The following HCN4 variants were observed in gnomAD, a reference collection of about 807,000 sequenced individuals.
HCN4 encodes hyperpolarization activated cyclic nucleotide gated potassium channel 4, also known as potassium/sodium hyperpolarization-activated cyclic nucleotide-gated channel 4.
HCN4 carries 29 observed loss-of-function variants against 76.9 expected under a neutral mutation model. That is an observed-to-expected ratio of 0.38 (90% CI 0.28 to 0.51). The LOEUF (loss-of-function observed/expected upper bound fraction) is 0.51, where lower values mean the gene tolerates loss of function less well. Ranked by LOEUF, HCN4 falls within the 20% of genes least tolerant of loss-of-function variation. HCN4 has a pLI of 0.90. For synonymous variants in HCN4, 772 were observed against 762.5 expected, an observed-to-expected ratio of 1.01 and a Z score of -0.21; for missense variants, 1,416 against 1,715.2, an observed-to-expected ratio of 0.83 and a Z score of 3.08.
Position 73,328,694 on chromosome 15 carries a change from G to A in HCN4, c.1590+879C>T, listed in dbSNP as rs572865825. Among the ~76,000 whole-genome samples, 233 of 152,246 alleles carry A rather than the reference G, an allele frequency of 1.5e-3. 1 individual carries two copies. Among genetic ancestry groups the A allele is most frequent in the Admixed American group, 2.4e-3 (36 of 15,304 alleles). ...CAGAGCTCGGCAGCAGAGAAGCTGG[G>A]GTAGGGCCCAGGTGGCCTGACTCCA... On this transcript the variant is annotated intron_variant, in intron 4 of 7. Transcript: ENST00000261917. This position sits in a 1 kb window ranked among gnomAD's most constrained non-coding sequence, Gnocchi z 4.0.
intron 1 of HCN4, among the ~76,000 whole-genome samples, chr15:73,359,615 G>T (rs116308555): frequency 6.6e-6 from 1 of 151,998 alleles, no homozygotes; most frequent in Non-Finnish European, 1.5e-5. Flanking sequence ...CCTGACCCTA[G>T]ACCAAACCCT....
chr15:73,354,583 G>A (rs1170255302), intron 1 of HCN4, among the ~76,000 whole-genome samples: 2 of 152,170 alleles, frequency 1.3e-5, no homozygotes, highest in Non-Finnish European at 2.9e-5. Flanking sequence ...GTAGATGTAC[G>A]GTGGCTAGGT....
intron 1 of HCN4, among the ~76,000 whole-genome samples, chr15:73,360,013 G>C (rs1352486999): frequency 6.6e-6 from 1 of 152,180 alleles, no homozygotes. Context: ...TCCCAGCCCA[G>C]CATCCTCAGA....
intron 2 of HCN4, among the ~76,000 whole-genome samples, chr15:73,338,160 G>A (rs561988418): frequency 6.6e-6 from 1 of 152,342 alleles, no homozygotes; most frequent in Admixed American, 6.5e-5. Flanking sequence ...GGACGTTGCT[G>A]GGAGAGGCTG....
chr15:73,340,822 C>T (rs968416575), intron 2 of HCN4, among the ~76,000 whole-genome samples: 6 of 152,246 alleles, frequency 3.9e-5, no homozygotes, highest in Non-Finnish European at 8.8e-5. Context: ...GGAGGGGCCC[C>T]AGCCATGAAA....
chr15:73,334,954 C>G (rs888349079), intron 2 of HCN4, among the ~76,000 whole-genome samples: 3 of 152,004 alleles, frequency 2.0e-5, no homozygotes, highest in African/African-American at 4.8e-5. Context: ...TTGGCACCCT[C>G]ATGAGTGGGA....
chr15:73,326,200 G>A (rs1163252660), intron 4 of HCN4, among the ~76,000 whole-genome samples: 2 of 152,218 alleles, frequency 1.3e-5, no homozygotes, highest in African/African-American at 4.8e-5. Flanking sequence ...AGGGATGGGA[G>A]GTATTGATTA....
At chr15:73,327,705 G>A (rs1479482393) in intron 4 of HCN4, among the ~76,000 whole-genome samples, 1 of 151,988 alleles carries the variant, frequency 6.6e-6, no homozygotes, top group East Asian at 1.9e-4. Flanking sequence ...CTCTAACCTA[G>A]GACCCTGTGT....
At position 73,324,102 on chromosome 15, in the gene HCN4, G is replaced by T; in HGVS notation, c.2130C>A (p.Arg710=). Reference sequence around the variant, plus strand: ...CCTCCCCCTCACCAATGCGGTCCAGGCGGTCCAGCGCCACGGTCTCGAAGG... The same window carrying T: ...CCTCCCCCTCACCAATGCGGTCCAGTCGGTCCAGCGCCACGGTCTCGAAGG... ...RRAFETVALD[R]LDRIGKKNSI... Residue 710 remains arginine (R), a synonymous_variant, in exon 7 of 8, where the codon CGC becomes CGA. Transcript: ENST00000261917. The T allele has an allele frequency of 1.2e-6, 2 of 1,613,254 alleles. No homozygotes were observed. The highest frequency in any genetic ancestry group is 1.7e-6 in the Non-Finnish European group (2 of 1,179,970).
In HCN4 at chr15:73,322,380, ATAAT is replaced by A; in HGVS notation, c.*97_*100del. The A allele has an allele frequency of 1.0e-6, 1 of 993,022 alleles. No homozygotes were observed. The highest frequency in any genetic ancestry group is 1.6e-6 in the Non-Finnish European group (1 of 641,094). The allele number at this position is 993,022 out of a possible 1,614,324, so 61.5% of individuals were successfully genotyped here. On this transcript the variant is annotated 3_prime_UTR_variant, in exon 8 of 8. Coordinates refer to ENST00000261917, the MANE Select transcript of HCN4 (RefSeq NM_005477.3). ...TTTTCTGGTGTGTGTGGTTTTTTAA[ATAAT>A]TATTACTGTTATTGGTATATCTCCT... is the stretch of plus-strand genomic sequence containing the variant.
At position 73,368,551 on chromosome 15, in the gene HCN4, A is replaced by G; in HGVS notation, c.-281T>C. On this transcript the variant is annotated 5_prime_UTR_variant, in exon 1 of 8. Coordinates refer to ENST00000261917, the MANE Select transcript of HCN4 (RefSeq NM_005477.3). This position sits in a 1 kb window ranked among gnomAD's most constrained non-coding sequence, Gnocchi z 6.9. ...GCCTCCCTCCCTCCCTCTGGCGTTC[A>G]GGGGCGCGGCGCGCCGCCCGGCTCC... The G allele has an allele frequency of 4.1e-6, 1 of 245,018 alleles. No homozygotes were observed. The highest frequency in any genetic ancestry group is 7.8e-6 in the Non-Finnish European group (1 of 127,906). The allele number at this position is 245,018 out of a possible 1,614,324, so 15.2% of individuals were successfully genotyped here. A position where few individuals can be genotyped will look rare whatever the true frequency, so the allele number is the denominator to read the frequency against.
In HCN4 at chr15:73,323,214, G is replaced by A; in HGVS notation, c.2879C>T (p.Pro960Leu). The change falls in exon 8 of 8, where the codon CCA becomes CTA. Residue 960 changes from proline (P) to leucine (L), a missense_variant. Pro to Leu is a moderately conservative substitution (Grantham distance 98). Transcript: ENST00000261917. ...GGLGLPEHFLPPPPSSRSPSS... is the reference protein window; with the variant it reads ...GGLGLPEHFLLPPPSSRSPSS... The stretch of plus-strand genomic sequence containing the variant: ...CGGGGATCTGGATGAGGGTGGGGGT[G>A]GCAGGAAGTGCTCCGGGAGTCCCAG... 1 of 1,532,458 alleles carries A rather than the reference G, an allele frequency of 6.5e-7. No individual in the cohort carries two copies. The highest frequency in any genetic ancestry group is 1.8e-4 in the Middle Eastern group (1 of 5,642). The allele number at this position is 1,532,458 out of a possible 1,614,324, so 94.9% of individuals were successfully genotyped here.
intron 2 of HCN4, among the ~76,000 whole-genome samples, chr15:73,338,428 C>A (rs928057467): frequency 6.6e-6 from 1 of 152,216 alleles, no homozygotes; most frequent in Admixed American, 6.5e-5. Context: ...TTCTCAACTG[C>A]AGTGCAAGGA....
intron 2 of HCN4, chr15:73,341,020 T>C (rs553789637): frequency 6.6e-6 from 1 of 151,396 alleles, no homozygotes; most frequent in Non-Finnish European, 1.5e-5. Flanking sequence ...CAGCTAAGTA[T>C]GGGGAACCAA....
In HCN4 at chr15:73,332,186, A is replaced by G; in HGVS notation, c.1316T>C (p.Val439Ala). Residue 439 changes from valine (V) to alanine (A), a missense_variant, in exon 3 of 8, where the codon GTA (valine) becomes GCA (alanine). Transcript: ENST00000261917. The part of the protein sequence containing the change: ...CHWDGCLQFL[V>A]PMLQDFPDDC... ...GTCAGGGAAGTCCTGTAGCATGGGT[A>G]CCAGGAACTGCAGGCAGCCGTCCCA... 1 of 1,614,170 alleles carries G rather than the reference A, an allele frequency of 6.2e-7. No homozygotes were observed. The highest frequency in any genetic ancestry group is 8.5e-7 in the Non-Finnish European group (1 of 1,179,986).
rs934498111 is a variant in HCN4, at chr15:73,368,502, G to A, written c.-232C>T. The A allele has an allele frequency of 5.6e-5, 19 of 337,720 alleles. 1 individual carries two copies. In the East Asian group the frequency reaches 8.2e-4, roughly 15 times the overall value. The allele number at this position is 337,720 out of a possible 1,614,324, so 20.9% of individuals were successfully genotyped here. A position where few individuals can be genotyped will look rare whatever the true frequency, so the allele number is the denominator to read the frequency against. On this transcript the variant is annotated 5_prime_UTR_variant, in exon 1 of 8. Transcript: ENST00000261917. The surrounding 1 kb of genome is among the most constrained non-coding windows in gnomAD (Gnocchi z 6.9). ...CACCTCCTCCCGGGCCCGGCTGGGC[G>A]CGGGGACCCCGCGCTCCCTTCTTGC... is the stretch of plus-strand genomic sequence containing the variant.
intron 1 of HCN4, among the ~76,000 whole-genome samples, chr15:73,355,120 G>T (rs1258675773): frequency 6.6e-6 from 1 of 152,246 alleles, no homozygotes. Flanking sequence ...CAAAGAGGAT[G>T]CAGGCGCCCA....
intron 1 of HCN4, among the ~76,000 whole-genome samples, chr15:73,366,919 G>A (rs1223999185): frequency 6.6e-6 from 1 of 152,252 alleles, no homozygotes; most frequent in Non-Finnish European, 1.5e-5. Context: ...AGCATGAGGA[G>A]CTGAGCTCAG....
intron 1 of HCN4, among the ~76,000 whole-genome samples, chr15:73,362,238 A>T (rs1454218401): frequency 6.6e-6 from 1 of 152,094 alleles, no homozygotes; most frequent in Non-Finnish European, 1.5e-5. Context: ...CACAGACTTC[A>T]CCCTGCCACG....
Sources: gnomAD v4.1 joint callset for allele counts (sites outside exome capture counted in the v4.1 genomes callset) on GRCh38, gnomAD v4.1.1 for gene constraint, Gnocchi (gnomAD v3.1) non-coding constraint, MANE v1.5 for transcripts, NCBI Gene and HGNC (gene_info 2026-07-23, HGNC 2026-07-21) for gene names.